Variants in CCDC144A observed in about 807,000 individuals in gnomAD.
CCDC144A encodes the protein coiled-coil domain containing 144A.
In CCDC144A, 41 loss-of-function variants were observed where a neutral mutation model predicts 143.8. The ratio of observed to expected loss-of-function variants is 0.29; its 90% confidence interval spans 0.22 to 0.37. The LOEUF (loss-of-function observed/expected upper bound fraction) is 0.37. CCDC144A is among the 10% of genes least tolerant of loss of function. The probability of loss-of-function intolerance (pLI) is 1.00; values close to 1 mark genes in which losing one functional copy is unlikely to be tolerated. For missense variants in CCDC144A, 637 were observed against 1,488.8 expected (o/e 0.43, Z 9.41); for synonymous variants, 242 against 517.9 (o/e 0.47, Z 7.23).
chr17:16,747,686 G>A (rs767521492), intron 12 of CCDC144A, among the ~76,000 whole-genome samples: 1 of 152,142 alleles, frequency 6.6e-6, no homozygotes, highest in South Asian at 2.1e-4. Context: ...TTTTTTGTGT[G>A]TGGCTATTAC....
chr17:16,738,078 A>T (rs1333598118), intron 12 of CCDC144A, among the ~76,000 whole-genome samples: 3 of 152,122 alleles, frequency 2.0e-5, no homozygotes, highest in Non-Finnish European at 4.4e-5. Flanking sequence ...CTTATTTCTT[A>T]TCTTTTGTGA....
chr17:16,769,202 C>A (rs558503153), intron 15 of CCDC144A, among the ~76,000 whole-genome samples: 260 of 152,222 alleles, frequency 1.7e-3, no homozygotes, highest in African/African-American at 5.8e-3. Flanking sequence ...TGGGCAGACA[C>A]ATCTTTTGAA....
rs1412934428 is a variant in CCDC144A, at chr17:16,709,156, C to T, written c.1099C>T (p.Pro367Ser). ...CGAGACATTTCCTGAACAAAAAGAACCCAGTCTCAAAAATATCATCCATCC... is the reference window on the plus strand; with the variant it reads ...CGAGACATTTCCTGAACAAAAAGAATCCAGTCTCAAAAATATCATCCATCC... ...VFETFPEQKEPSLKNIIHPYY... is the reference protein window; with the variant it reads ...VFETFPEQKESSLKNIIHPYY... The change falls in exon 5 of 17, where the codon CCC becomes TCC. Residue 367 changes from proline to serine, a missense_variant. Coordinates refer to ENST00000399273, the MANE Select transcript of CCDC144A (RefSeq NM_001382000.1). The T allele has an allele frequency of 6.2e-7, 1 of 1,611,632 alleles. No homozygotes were observed. The highest frequency in any genetic ancestry group is 1.1e-5 in the South Asian group (1 of 90,974).
At chr17:16,684,233 A>G in the CCDC144A span, 41 of 896,184 alleles carry the variant, frequency 4.6e-5, 2 homozygotes, top group South Asian at 4.8e-4. Flanking sequence ...TCAGTGGGCG[A>G]GTATCTTAAA....
chr17:16,688,613 C>G (rs544730807), upstream of CCDC144A, among the ~76,000 whole-genome samples: 3 of 151,162 alleles, frequency 2.0e-5, no homozygotes, highest in Admixed American at 6.6e-5. Flanking sequence ...CTCAGCCTCC[C>G]GAGTAGCTGG....
chr17:16,682,904 T>TTG, the CCDC144A span, among the ~76,000 whole-genome samples: 2 of 123,550 alleles, frequency 1.6e-5, no homozygotes, highest in Admixed American at 8.3e-5. Context: ...TTTTTTTTTT[T>TTG]TTTTTTTTTT....
At chr17:16,683,318 A>C in the CCDC144A span, 2 of 582,836 alleles carry the variant, frequency 3.4e-6, no homozygotes, top group Non-Finnish European at 6.1e-6. Context: ...TCATTTAAAA[A>C]ACGAATGAAT....
chr17:16,675,377 T>C, the CCDC144A span, among the ~76,000 whole-genome samples: 1 of 151,798 alleles, frequency 6.6e-6, no homozygotes, highest in Admixed American at 6.6e-5. Context: ...TTTACATATA[T>C]AAATATATTT....
intron 10 of CCDC144A, 49 bp from the exon 11 acceptor site, chr17:16,732,489 G>A: frequency 1.3e-6 from 2 of 1,496,008 alleles, no homozygotes; most frequent in East Asian, 2.3e-5. Flanking sequence ...TAACCTTTTA[G>A]ATTTTCTTTT....
chr17:16,676,505 C>T, the CCDC144A span, among the ~76,000 whole-genome samples: 4 of 145,240 alleles, frequency 2.8e-5, no homozygotes, highest in Admixed American at 6.8e-5. Flanking sequence ...AGCGGGACTC[C>T]GTCTCCAAAA....
chr17:16,678,634 G>A, the CCDC144A span, among the ~76,000 whole-genome samples: 1 of 145,402 alleles, frequency 6.9e-6, no homozygotes, highest in Non-Finnish European at 1.5e-5. Flanking sequence ...AGGTTGGAGT[G>A]CAGTGGTGTG....
chr17:16,740,024 T>C (rs1032420889), intron 12 of CCDC144A, among the ~76,000 whole-genome samples: 42 of 151,954 alleles, frequency 2.8e-4, no homozygotes, highest in Non-Finnish European at 5.3e-4. Context: ...AGTGCCTCTC[T>C]CTTCATTCCC....
At chr17:16,689,342 C>T (rs1910908882), upstream of CCDC144A, among the ~76,000 whole-genome samples, 1 of 152,230 alleles carries the variant, frequency 6.6e-6, no homozygotes, top group East Asian at 1.9e-4. Context: ...ACTACAGGCA[C>T]GCGCCACCAC....
chr17:16,668,152 CGAA>C, the CCDC144A span, among the ~76,000 whole-genome samples: 153 of 147,562 alleles, frequency 1.0e-3, 10 homozygotes, highest in Admixed American at 3.4e-3. Context: ...CCCAAAAGAC[CGAA>C]GTTTTACTTC....
intron 2 of CCDC144A, among the ~76,000 whole-genome samples, chr17:16,693,743 G>A (rs1398296104): frequency 1.3e-5 from 2 of 151,356 alleles, no homozygotes; most frequent in African/African-American, 2.4e-5. Flanking sequence ...TTTAGTAAAT[G>A]AATATCAATC....
intron 4 of CCDC144A, among the ~76,000 whole-genome samples, chr17:16,708,193 T>C (rs1412477474): frequency 7.2e-5 from 11 of 152,176 alleles, no homozygotes; most frequent in Admixed American, 7.2e-4. Context: ...ATAGTATATA[T>C]TAGAACAGAA....
intron 9 of CCDC144A, among the ~76,000 whole-genome samples, chr17:16,729,368 G>A (rs181793749): frequency 6.6e-5 from 10 of 152,132 alleles, no homozygotes; most frequent in African/African-American, 2.2e-4. Context: ...AAATATGTTT[G>A]TTGGCCATTT....
At chr17:16,740,232 C>T (rs1914197808) in intron 12 of CCDC144A, among the ~76,000 whole-genome samples, 1 of 152,154 alleles carries the variant, frequency 6.6e-6, no homozygotes, top group Non-Finnish European at 1.5e-5. Flanking sequence ...CAGTTAGATA[C>T]TCTTTTGACC....
At chr17:16,694,534 A>G (rs1001999119) in intron 2 of CCDC144A, among the ~76,000 whole-genome samples, 6 of 152,178 alleles carry the variant, frequency 3.9e-5, no homozygotes, top group African/African-American at 1.4e-4. Flanking sequence ...GTGAGCTGTG[A>G]TCATGATCAC....
Sources: gnomAD v4.1 joint callset for allele counts (sites outside exome capture counted in the v4.1 genomes callset) on GRCh38, gnomAD v4.1.1 for gene constraint, MANE v1.5 for transcripts, NCBI Gene and HGNC (gene_info 2026-07-23, HGNC 2026-07-21) for gene names.